The following TMEM135 variants were observed in gnomAD, a reference collection of about 807,000 sequenced individuals.
The protein encoded by TMEM135 is peroxisomal membrane protein 52.
Under a neutral mutation model 60.3 loss-of-function variants are expected in TMEM135, and 30 were observed. The observed-to-expected ratio is 0.50, with a 90% CI of 0.37 to 0.68. The LOEUF is 0.68. TMEM135 is among the 30% of genes least tolerant of loss of function. The pLI is 0.00. For missense variants in TMEM135, 468 were observed against 548.8 expected (o/e 0.85, Z 1.47); for synonymous variants, 190 against 186.7 (o/e 1.02, Z -0.14).
chr11:87,292,699 A>C (rs1365697055), intron 6 of TMEM135, among the ~76,000 whole-genome samples: 1 of 152,318 alleles, frequency 6.6e-6, no homozygotes, highest in African/African-American at 2.4e-5. Context: ...GGACATAGAC[A>C]TCTGACCCTC....
chr11:87,137,184 G>C (rs1368687659), intron 4 of TMEM135, among the ~76,000 whole-genome samples: 3 of 151,642 alleles, frequency 2.0e-5, no homozygotes, highest in Non-Finnish European at 2.9e-5. Flanking sequence ...AAACATTTAA[G>C]TTTGTTATGT....
intron 1 of TMEM135, among the ~76,000 whole-genome samples, chr11:87,043,797 C>T (rs1949771846): frequency 1.3e-5 from 2 of 151,910 alleles, no homozygotes; most frequent in South Asian, 4.1e-4. Context: ...AGCATAAGGC[C>T]CTTGTTTTTG....
At chr11:87,227,938 TC>T (rs1940800437) in intron 5 of TMEM135, among the ~76,000 whole-genome samples, 1 of 152,214 alleles carries the variant, frequency 6.6e-6, no homozygotes, top group Non-Finnish European at 1.5e-5. Context: ...ACTCTTATTA[TC>T]AATAACGTAT....
chr11:87,057,354 C>G (rs1949903348), intron 1 of TMEM135, among the ~76,000 whole-genome samples: 1 of 152,096 alleles, frequency 6.6e-6, no homozygotes, highest in South Asian at 2.1e-4. Flanking sequence ...TTACGGAAAA[C>G]TTTTGAAGAT....
chr11:87,274,862 A>G (rs10792932), intron 6 of TMEM135, among the ~76,000 whole-genome samples: 53,866 of 147,752 alleles, frequency 0.36, 10,542 homozygotes, highest in Non-Finnish European at 0.43. Flanking sequence ...ATATATATGC[A>G]TATATATTTA....
At chr11:87,097,738 G>C (rs997066931) in intron 4 of TMEM135, among the ~76,000 whole-genome samples, 6 of 152,144 alleles carry the variant, frequency 3.9e-5, no homozygotes, top group African/African-American at 1.4e-4. Context: ...TCAGGACTTT[G>C]ATACTTGCTG....
chr11:87,271,739 G>A (rs1259008372), intron 6 of TMEM135, among the ~76,000 whole-genome samples: 2 of 152,000 alleles, frequency 1.3e-5, no homozygotes. Flanking sequence ...TTCAAGATTA[G>A]CCTGGTCAAC....
At chr11:87,303,877 C>T (rs1042634454) in intron 8 of TMEM135, among the ~76,000 whole-genome samples, 3 of 152,128 alleles carry the variant, frequency 2.0e-5, no homozygotes, top group African/African-American at 4.8e-5. Flanking sequence ...ATGCCTTGGG[C>T]GTCAGAACTG....
intron 3 of TMEM135, among the ~76,000 whole-genome samples, chr11:87,087,744 GT>G (rs113236993): frequency 6.6e-6 from 1 of 150,754 alleles, no homozygotes; most frequent in Admixed American, 6.6e-5. Flanking sequence ...AGATAAGACT[GT>G]TTTTTTTTGA....
At chr11:87,196,679 A>G (rs1347155260) in intron 5 of TMEM135, among the ~76,000 whole-genome samples, 1 of 152,140 alleles carries the variant, frequency 6.6e-6, no homozygotes, top group East Asian at 1.9e-4. Flanking sequence ...CTTCAAATAT[A>G]CTTATGTACA....
chr11:87,114,265 A>G (rs1857822580), intron 4 of TMEM135, among the ~76,000 whole-genome samples: 1 of 152,160 alleles, frequency 6.6e-6, no homozygotes, highest in Non-Finnish European at 1.5e-5. Flanking sequence ...AAATTTCAAG[A>G]TAACAGCTAT....
Position 87,326,148 on chromosome 11 carries a change from C to G in TMEM135, c.*4815C>G, listed in dbSNP as rs1206721020. 1 of 453,834 alleles carries G rather than the reference C, an allele frequency of 2.2e-6. No individual in the cohort carries two copies. Among genetic ancestry groups the G allele is most frequent in the South Asian group, 1.6e-5 (1 of 64,462 alleles). 28.1% of individuals were successfully genotyped at this position (453,834 alleles called of 1,614,324 possible). On this transcript the variant is annotated 3_prime_UTR_variant, in exon 15 of 15. Transcript: ENST00000305494. The stretch of plus-strand genomic sequence containing the variant: ...CTCTCCCCCACCCCCAGCCTGCTGC[C>G]TCTGCAGAGCATAACATTCTAATCT...
intron 5 of TMEM135, among the ~76,000 whole-genome samples, chr11:87,161,523 T>G (rs2135273577): frequency 6.6e-6 from 1 of 152,306 alleles, no homozygotes; most frequent in South Asian, 2.1e-4. Flanking sequence ...TTAATCTCAA[T>G]TTTTGAAAGA....
At chr11:87,181,107 G>T (rs1939503122) in intron 5 of TMEM135, among the ~76,000 whole-genome samples, 1 of 152,116 alleles carries the variant, frequency 6.6e-6, no homozygotes, top group South Asian at 2.1e-4. Context: ...TTCTCAGCAA[G>T]GAAAGTAGAA....
chr11:87,110,490 C>T (rs1164482059), intron 4 of TMEM135, among the ~76,000 whole-genome samples: 2 of 152,000 alleles, frequency 1.3e-5, no homozygotes, highest in Non-Finnish European at 2.9e-5. Context: ...TCCTGGTTTA[C>T]CATTTAATAG....
At chr11:87,178,114 T>A (rs1939424623) in intron 5 of TMEM135, among the ~76,000 whole-genome samples, 1 of 152,162 alleles carries the variant, frequency 6.6e-6, no homozygotes, top group South Asian at 2.1e-4. Flanking sequence ...ATTGGCCATG[T>A]GATTGAACTG....
intron 4 of TMEM135, among the ~76,000 whole-genome samples, chr11:87,117,111 G>A (rs2451064): frequency 0.48 from 72,356 of 151,830 alleles, 17,526 homozygotes; most frequent in East Asian, 0.67. Context: ...GTGAGCCACC[G>A]CGCCCAGCCA....
chr11:87,127,656 C>T (rs972280013), intron 4 of TMEM135, among the ~76,000 whole-genome samples: 5 of 152,204 alleles, frequency 3.3e-5, no homozygotes, highest in African/African-American at 1.2e-4. Context: ...TGTAAGAGGC[C>T]AGTTAAAGAC....
At chr11:87,124,479 G>C (rs1027134062) in intron 4 of TMEM135, among the ~76,000 whole-genome samples, 1 of 152,076 alleles carries the variant, frequency 6.6e-6, no homozygotes, top group South Asian at 2.1e-4. Context: ...CAGGGGAAGG[G>C]GGCATGGCTC....
Sources: allele counts gnomAD v4.1 joint callset (sites outside exome capture counted in the v4.1 genomes callset), GRCh38; gene constraint gnomAD v4.1.1; transcripts MANE v1.5; gene names NCBI Gene and HGNC (gene_info 2026-07-23, HGNC 2026-07-21).